Variants in TAFA1 observed in about 807,000 individuals in gnomAD.
TAFA1 encodes chemokine-like protein TAFA-1.
TAFA1 carries 4 observed loss-of-function variants against 18.5 expected under a neutral mutation model. That is an observed-to-expected ratio of 0.22 (90% confidence interval 0.11 to 0.49). The LOEUF (loss-of-function observed/expected upper bound fraction) is 0.49, where lower values mean the gene tolerates loss of function less well. TAFA1 is among the 20% of genes least tolerant of loss of function. TAFA1 has a pLI of 0.98. For missense variants in TAFA1, 147 were observed against 169.0 expected, an observed-to-expected ratio of 0.87 and a Z score of 0.72; for synonymous variants, 56 against 55.2, an observed-to-expected ratio of 1.01 and a Z score of -0.06.
chr3:68,172,516 C>G (rs1238364701), intron 2 of TAFA1, among the ~76,000 whole-genome samples: 1 of 152,152 alleles, frequency 6.6e-6, no homozygotes, highest in Non-Finnish European at 1.5e-5. Flanking sequence ...AAACATAGCA[C>G]TGCCATGTGA....
At chr3:68,062,794 G>T (rs575045391) in intron 2 of TAFA1, among the ~76,000 whole-genome samples, 1 of 152,318 alleles carries the variant, frequency 6.6e-6, no homozygotes, top group Admixed American at 6.5e-5. Context: ...TAACGAAGAA[G>T]CAGTCCTCAT....
chr3:68,436,455 A>G (rs577191378), intron 3 of TAFA1, among the ~76,000 whole-genome samples: 5 of 152,266 alleles, frequency 3.3e-5, no homozygotes, highest in East Asian at 1.9e-4. Context: ...GAAATCACAA[A>G]GCATGTTTCA....
chr3:68,122,965 G>A (rs1250631569), intron 2 of TAFA1, among the ~76,000 whole-genome samples: 1 of 151,438 alleles, frequency 6.6e-6, no homozygotes, highest in Non-Finnish European at 1.5e-5. Flanking sequence ...GGGAGAGGTG[G>A]CTAACCTACT....
At chr3:68,173,756 T>C (rs2066088294) in intron 2 of TAFA1, among the ~76,000 whole-genome samples, 1 of 152,184 alleles carries the variant, frequency 6.6e-6, no homozygotes, top group African/African-American at 2.4e-5. Context: ...TGTTGGTTTT[T>C]TGCCTTCCTT....
chr3:68,431,253 G>A (rs1476389974), intron 3 of TAFA1, among the ~76,000 whole-genome samples: 1 of 151,958 alleles, frequency 6.6e-6, no homozygotes, highest in East Asian at 1.9e-4. Context: ...ACATTACCAA[G>A]TCCTGCTCCC....
chr3:68,527,271 T>C (rs2073122408), intron 3 of TAFA1, among the ~76,000 whole-genome samples: 1 of 152,082 alleles, frequency 6.6e-6, no homozygotes, highest in Non-Finnish European at 1.5e-5. Context: ...CAAAGAGTAT[T>C]ATTAGTGGCA....
chr3:68,005,344 T>C (rs932888210), intron 1 of TAFA1, among the ~76,000 whole-genome samples: 2 of 152,206 alleles, frequency 1.3e-5, no homozygotes, highest in African/African-American at 4.8e-5. Context: ...TAGGCATGAA[T>C]AGCACCAAGC....
intron 2 of TAFA1, among the ~76,000 whole-genome samples, chr3:68,387,161 A>G (rs962468464): frequency 6.6e-6 from 1 of 152,008 alleles, no homozygotes; most frequent in Non-Finnish European, 1.5e-5. Context: ...AGCTTCAAAA[A>G]TCTGTCTTTG....
intron 3 of TAFA1, among the ~76,000 whole-genome samples, chr3:68,536,380 T>G (rs1294731249): frequency 2.6e-5 from 4 of 152,228 alleles, no homozygotes; most frequent in African/African-American, 9.6e-5. Context: ...CATTATCATA[T>G]GTCATTTGGC....
At chr3:68,170,689 G>A (rs947750326) in intron 2 of TAFA1, among the ~76,000 whole-genome samples, 2 of 152,138 alleles carry the variant, frequency 1.3e-5, no homozygotes. Context: ...GGGCAGAGCT[G>A]TAAACTACTG....
At chr3:68,447,022 T>A (rs1312937778) in intron 3 of TAFA1, among the ~76,000 whole-genome samples, 1 of 152,186 alleles carries the variant, frequency 6.6e-6, no homozygotes, top group Non-Finnish European at 1.5e-5. Context: ...CAGATTCTCT[T>A]TCATAATGTT....
intron 2 of TAFA1, among the ~76,000 whole-genome samples, chr3:68,130,856 G>C (rs1575634557): frequency 6.6e-6 from 1 of 152,046 alleles, no homozygotes; most frequent in Admixed American, 6.5e-5. Flanking sequence ...CTTTCCGTTA[G>C]CTACCTCCCT....
chr3:68,221,212 G>T (rs1379532997), intron 2 of TAFA1, among the ~76,000 whole-genome samples: 1 of 152,102 alleles, frequency 6.6e-6, no homozygotes, highest in Non-Finnish European at 1.5e-5. Flanking sequence ...TATTACTGTT[G>T]CTCATCTAAT....
chr3:68,424,082 TAAAA>T (rs201083359), intron 3 of TAFA1, among the ~76,000 whole-genome samples: 3 of 151,840 alleles, frequency 2.0e-5, no homozygotes, highest in African/African-American at 7.3e-5. Flanking sequence ...AACAAACAAA[TAAAA>T]AAACCCTTTA....
intron 3 of TAFA1, among the ~76,000 whole-genome samples, chr3:68,486,102 G>GTTTTGTTTTA (rs1553696083): frequency 2.2e-4 from 27 of 121,388 alleles, no homozygotes; most frequent in African/African-American, 8.4e-4. Context: ...ATTTTATTTT[G>GTTTTGTTTTA]TTTTATTTTA....
intron 2 of TAFA1, among the ~76,000 whole-genome samples, chr3:68,040,865 TAA>T (rs1705149728): frequency 1.3e-5 from 2 of 152,224 alleles, no homozygotes; most frequent in East Asian, 3.8e-4. Context: ...TTTTACAAAA[TAA>T]AAAGTTTTGA....
intron 2 of TAFA1, among the ~76,000 whole-genome samples, chr3:68,100,750 C>G (rs1479765697): frequency 1.3e-5 from 2 of 152,106 alleles, no homozygotes; most frequent in African/African-American, 4.8e-5. Flanking sequence ...GTTTCAGATA[C>G]TCTGCTCTGA....
rs537443084 is a variant in TAFA1, at chr3:68,213,717, A to G, written c.119-203563A>G. Among the ~76,000 whole-genome samples, 191 of 152,220 alleles carry G rather than the reference A, an allele frequency of 1.3e-3. 1 individual carries two copies. Among genetic ancestry groups the G allele is most frequent in the Admixed American group, 2.8e-3 (43 of 15,284 alleles). On this transcript the variant is annotated intron_variant, in intron 2 of 4. Coordinates refer to ENST00000478136, the MANE Select transcript of TAFA1 (RefSeq NM_213609.4). Reference sequence around the variant, plus strand: ...TATATTACAATAAATCACATGCCACATCTTTCTGCATAATGACCTCCAGTT... The same window carrying G: ...TATATTACAATAAATCACATGCCACGTCTTTCTGCATAATGACCTCCAGTT...
At chr3:68,303,447 T>C (rs981453856) in intron 2 of TAFA1, among the ~76,000 whole-genome samples, 2 of 151,616 alleles carry the variant, frequency 1.3e-5, no homozygotes, top group Admixed American at 6.6e-5. Flanking sequence ...AAAATTCTTT[T>C]TGTTTTTTTT....
Sources: allele counts gnomAD v4.1 joint callset (sites outside exome capture counted in the v4.1 genomes callset), GRCh38; gene constraint gnomAD v4.1.1; transcripts MANE v1.5; gene names NCBI Gene and HGNC (gene_info 2026-07-23, HGNC 2026-07-21).